ZNF366: variants seen among roughly 807,000 people sequenced by gnomAD.
ZNF366 encodes zinc finger protein 366, also known as dendritic cell-specific transcript protein.
ZNF366 carries 20 observed loss-of-function variants against 47.2 expected under a neutral mutation model. The ratio of observed to expected loss-of-function variants is 0.42; its 90% confidence interval spans 0.30 to 0.62. The LOEUF is 0.62. ZNF366 is among the 20% of genes least tolerant of loss of function. ZNF366 has a pLI of 0.16. For missense variants in ZNF366, 987 were observed against 976.3 expected, an observed-to-expected ratio of 1.01 and a Z score of -0.15; for synonymous variants, 421 against 395.1, an observed-to-expected ratio of 1.07 and a Z score of -0.78.
rs547847385 is a variant in ZNF366 at position 72,484,376 on chromosome 5, C to T, written c.-14-22866G>A. Among the ~76,000 whole-genome samples, 19 of 148,184 alleles carry T rather than the reference C, an allele frequency of 1.3e-4. 1 individual carries two copies. Among genetic ancestry groups the T allele is most frequent in the South Asian group, 6.4e-4 (3 of 4,654 alleles). ...GCGGGCGCCTGTAGTCCCAGCTACT[C>T]GGGAGGCTGAGGCAGGAGAATGGCG... On this transcript the variant is annotated intron_variant, in intron 1 of 4. Transcript: ENST00000318442.
rs375605766 is a variant in ZNF366, at chr5:72,460,322, T to C, written c.1175A>G (p.Gln392Arg). The change falls in exon 2 of 5, where the codon CAG becomes CGG. Residue 392 changes from glutamine to arginine, a missense_variant. Around this residue, in one of 3 missense-constraint regions of ZNF366, gnomAD observed 591 missense variants for 560.9 expected, o/e 1.05. Coordinates refer to ENST00000318442, the MANE Select transcript of ZNF366 (RefSeq NM_152625.3). ...CTTGTCGCACTCGGAGCAGTTGTAC[T>C]GGATGGGGCCCCGGTGCGTGGTGAG... is the stretch of plus-strand genomic sequence containing the variant. ...RHLTTHRGPI[Q>R]YNCSECDKTF... 3.7e-6 allele frequency: 6 copies of C among 1,614,120 alleles called. No homozygotes were observed. Among genetic ancestry groups the C allele is most frequent in the Non-Finnish European group, 5.1e-6 (6 of 1,180,048 alleles).
At position 72,461,119 on chromosome 5, in the gene ZNF366, A is replaced by G. The variant is rs1743301501; in HGVS notation, c.378T>C (p.Ser126=). ...CCACGTTGCACAGGTCGATCATCTG[A>G]GAGTCATACTTGGGGCGCGGGGGCT... ...FPQPPRPKYD[S]QMIDLCNVGF... Residue 126 remains serine, a synonymous_variant, in exon 2 of 5, where the codon TCT becomes TCC. Transcript: ENST00000318442. The G allele has an allele frequency of 6.2e-7, 1 of 1,613,968 alleles. No homozygotes were observed. The highest frequency in any genetic ancestry group is 1.3e-5 in the African/African-American group (1 of 74,934).
chr5:72,503,961 T>C (rs1744265570), intron 1 of ZNF366, among the ~76,000 whole-genome samples: 1 of 152,242 alleles, frequency 6.6e-6, no homozygotes. Context: ...TCATTATTAC[T>C]TGACAAACTA....
rs748655194 is a variant in ZNF366, at chr5:72,461,028, G to T, written c.469C>A (p.Pro157Thr). Residue 157 changes from proline to threonine, a missense_variant, in exon 2 of 5, where the codon CCC becomes ACC. Around this residue, in one of 3 missense-constraint regions of ZNF366, gnomAD observed 591 missense variants for 560.9 expected, o/e 1.05. Transcript: ENST00000318442. Reference protein sequence around the residue: ...GKPVKQEPIKPSAVWPQPTPT... With the variant: ...GKPVKQEPIKTSAVWPQPTPT... ...GTTGGCTGGGGCCACACGGCGCTGG[G>T]CTTAATGGGTTCCTGCTTGACGGGC... 1.2e-6 allele frequency: 2 copies of T among 1,614,154 alleles called. No individual in the cohort carries two copies. Among genetic ancestry groups the T allele is most frequent in the Admixed American group, 1.7e-5 (1 of 60,030 alleles).
At chr5:72,452,149 G>A (rs1227928159) in intron 3 of ZNF366, among the ~76,000 whole-genome samples, 2 of 152,256 alleles carry the variant, frequency 1.3e-5, no homozygotes, top group African/African-American at 2.4e-5. Flanking sequence ...AGGTCAGAGA[G>A]CTGTGGCCTG....
Position 72,460,335 on chromosome 5 carries a change from G to A in ZNF366, c.1162C>T (p.Arg388Trp), listed in dbSNP as rs902639502. The A allele has an allele frequency of 2.5e-6, 4 of 1,614,222 alleles. No homozygotes were observed. The highest frequency in any genetic ancestry group is 2.5e-6 in the Non-Finnish European group (3 of 1,180,044). ...AQLKRHLTTHRGPIQYNCSEC... is the reference protein window; with the variant it reads ...AQLKRHLTTHWGPIQYNCSEC... ...GAGCAGTTGTACTGGATGGGGCCCC[G>A]GTGCGTGGTGAGGTGTCTCTTCAGC... Residue 388 changes from arginine to tryptophan, a missense_variant, in exon 2 of 5, where the codon CGG (arginine) becomes TGG (tryptophan). Coordinates refer to ENST00000318442, the MANE Select transcript of ZNF366 (RefSeq NM_152625.3).
rs748933601 is a variant in ZNF366, at chr5:72,460,171, G to T, written c.1326C>A (p.Thr442=). 1.2e-6 allele frequency: 2 copies of T among 1,614,018 alleles called. No individual in the cohort carries two copies. Among genetic ancestry groups the T allele is most frequent in the South Asian group, 2.2e-5 (2 of 91,058 alleles). Residue 442 remains threonine, a synonymous_variant, in exon 2 of 5, where the codon ACC becomes ACA. Transcript: ENST00000318442. ...ACCAGAGGCCCCGCAGTACCTTGTGGGTGAGGGAGTGCTGCTTGAGGTGGT... is the reference window on the plus strand; with the variant it reads ...ACCAGAGGCCCCGCAGTACCTTGTGTGTGAGGGAGTGCTGCTTGAGGTGGT... The part of the protein sequence containing the change: ...QPHHLKQHSL[T]HKGVKEHKCG...
In ZNF366 at chr5:72,449,575, T is replaced by A. The variant is rs79707250; in HGVS notation, c.1525-2158A>T. ...GAACCTAGAGATTCTACATTAGGGA[T>A]TTCCAGTCACGGGTCATTTTTAGAA... On this transcript the variant is annotated intron_variant, in intron 3 of 4. Transcript: ENST00000318442. 6.6e-5 allele frequency among the ~76,000 whole-genome samples: 10 copies of A among 152,310 alleles called. No homozygotes were observed. The East Asian group carries it at 1.9e-3, about 29-fold the overall frequency.
At chr5:72,488,051 C>CA (rs1007786288) in intron 1 of ZNF366, among the ~76,000 whole-genome samples, 16 of 151,794 alleles carry the variant, frequency 1.1e-4, no homozygotes, top group East Asian at 3.9e-4. Context: ...ACTAAAAATA[C>CA]AAAAAAATTA....
chr5:72,490,659 G>T (rs567317675), intron 1 of ZNF366, among the ~76,000 whole-genome samples: 2 of 152,300 alleles, frequency 1.3e-5, no homozygotes, highest in African/African-American at 4.8e-5. Flanking sequence ...GCTATTTGGG[G>T]TCTATTTTTC....
chr5:72,491,359 T>C (rs919992701), intron 1 of ZNF366, among the ~76,000 whole-genome samples: 4 of 152,104 alleles, frequency 2.6e-5, no homozygotes, highest in African/African-American at 9.7e-5. Context: ...AGAAGGATGA[T>C]GAGAAAAAGG....
In ZNF366 at chr5:72,447,020, C is replaced by T. The variant is rs146655489; in HGVS notation, c.1699+223G>A. ...TGGAACAAAGGAACAAATAATGGTA[C>T]CGACTGGCATCATGATGATAGTCCA... On this transcript the variant is annotated intron_variant, in intron 4 of 4. Transcript: ENST00000318442. 5.9e-5 allele frequency among the ~76,000 whole-genome samples: 9 copies of T among 152,314 alleles called. No individual in the cohort carries two copies. In the East Asian group the frequency reaches 1.5e-3, roughly 26 times the overall value.
chr5:72,469,554 A>T (rs1391457641), intron 1 of ZNF366, among the ~76,000 whole-genome samples: 2 of 152,156 alleles, frequency 1.3e-5, no homozygotes, highest in Non-Finnish European at 2.9e-5. Context: ...GAATTTAATG[A>T]TCTTAATTCC....
chr5:72,447,573 A>G (rs1742985598), intron 3 of ZNF366, among the ~76,000 whole-genome samples, 156 bp from the exon 4 acceptor site: 1 of 152,224 alleles, frequency 6.6e-6, no homozygotes, highest in East Asian at 1.9e-4. Flanking sequence ...AAGGAGCCTC[A>G]GAGGTGGAGC....
intron 1 of ZNF366, among the ~76,000 whole-genome samples, chr5:72,489,041 A>C (rs1743951210): frequency 6.6e-6 from 1 of 152,226 alleles, no homozygotes; most frequent in Non-Finnish European, 1.5e-5. Flanking sequence ...ACATGAGCAC[A>C]AATGACATGT....
intron 2 of ZNF366, 33 bp from the exon 3 acceptor site, chr5:72,456,628 T>C (rs376721545): frequency 8.4e-6 from 13 of 1,547,968 alleles, no homozygotes; most frequent in Non-Finnish European, 1.1e-5. Context: ...AAAGTGGTGA[T>C]TGACAGGTAA....
chr5:72,469,440 A>G (rs1743498804), intron 1 of ZNF366, among the ~76,000 whole-genome samples: 1 of 152,252 alleles, frequency 6.6e-6, no homozygotes, highest in East Asian at 1.9e-4. Context: ...GAAAACATCT[A>G]GCAATAGCCA....
intron 4 of ZNF366, among the ~76,000 whole-genome samples, chr5:72,446,657 A>G (rs1742966117): frequency 6.6e-6 from 1 of 152,240 alleles, no homozygotes; most frequent in African/African-American, 2.4e-5. Context: ...CCAAGCAGGA[A>G]AATTGTCCTT....
intron 2 of ZNF366, among the ~76,000 whole-genome samples, chr5:72,457,074 C>T (rs1743206191): frequency 6.6e-6 from 1 of 152,110 alleles, no homozygotes; most frequent in Non-Finnish European, 1.5e-5. Context: ...AACTTATATC[C>T]ACACTGCAGT....
Sources: gnomAD v4.1 joint callset for allele counts (sites outside exome capture counted in the v4.1 genomes callset) on GRCh38, gnomAD v4.1.1 for gene constraint, gnomAD v4.1.1 regional missense constraint, MANE v1.5 for transcripts, NCBI Gene and HGNC (gene_info 2026-07-23, HGNC 2026-07-21) for gene names.